ENOX1: variants seen among roughly 807,000 people sequenced by gnomAD.
ENOX1 encodes the protein ecto-NOX disulfide-thiol exchanger 1, also known as candidate growth-related and time keeping constitutive hydroquinone (NADH) oxidase.
Under a neutral mutation model 82.5 loss-of-function variants are expected in ENOX1, and 42 were observed. The ratio of observed to expected loss-of-function variants is 0.51; its 90% confidence interval spans 0.40 to 0.66. The LOEUF (loss-of-function observed/expected upper bound fraction) is 0.66, where lower values mean the gene tolerates loss of function less well. Ranked by LOEUF, ENOX1 falls within the 30% of genes least tolerant of loss-of-function variation. ENOX1 has a pLI of 0.00. For missense variants in ENOX1, 608 were observed against 811.6 expected (o/e 0.75, Z 3.05); for synonymous variants, 271 against 282.2 (o/e 0.96, Z 0.40).
At position 43,260,120 on chromosome 13, in the gene ENOX1, T is replaced by A. The variant is rs552074709; in HGVS notation, c.1611+5278A>T. 2.0e-5 allele frequency among the ~76,000 whole-genome samples: 3 copies of A among 152,266 alleles called. No homozygotes were observed. In the South Asian group the frequency reaches 6.2e-4, roughly 32 times the overall value. On this transcript the variant is annotated intron_variant, in intron 14 of 16. Transcript: ENST00000690772. ...TCACATACATCATTAAAATACATGG[T>A]TAATGATAGCCTTCTGCTGTGCTGT...
intron 8 of ENOX1, among the ~76,000 whole-genome samples, chr13:43,351,243 A>G (rs955458179): frequency 1.3e-5 from 2 of 152,158 alleles, no homozygotes; most frequent in African/African-American, 4.8e-5. Context: ...GACAGCATAA[A>G]AGGCTAAACA....
At chr13:43,585,703 A>G in intron 2 of ENOX1, among the ~76,000 whole-genome samples, 1 of 152,042 alleles carries the variant, frequency 6.6e-6, no homozygotes, top group African/African-American at 2.4e-5. Flanking sequence ...TCAGCCTCCC[A>G]AGTAGCTGGG....
chr13:43,323,244 T>C (rs760947301), intron 10 of ENOX1, among the ~76,000 whole-genome samples: 5 of 152,230 alleles, frequency 3.3e-5, no homozygotes, highest in Admixed American at 6.5e-5. Flanking sequence ...TCTTTCGTAT[T>C]GCACACGGTC....
At position 43,786,830 on chromosome 13, in the gene ENOX1, C is replaced by CCGCCGCCTT. The variant is rs960788587; in HGVS notation, c.-464_-463insAAGGCGGCG. ...GTCGCCGTTCCCTCTGCTGCCGCCG[C>CCGCCGCCTT]CGCTGCAGCAGACAGAGGACGCCCC... On this transcript the variant is annotated 5_prime_UTR_variant, in exon 1 of 17. Coordinates refer to ENST00000690772, the MANE Select transcript of ENOX1 (RefSeq NM_001347969.2). The surrounding 1 kb of genome is among the most constrained non-coding windows in gnomAD (Gnocchi z 6.0). 2 of 153,386 alleles carry CCGCCGCCTT rather than the reference C, an allele frequency of 1.3e-5. No individual in the cohort carries two copies. Among genetic ancestry groups the CCGCCGCCTT allele is most frequent in the African/African-American group, 4.8e-5 (2 of 41,260 alleles). The allele number at this position is 153,386 out of a possible 1,614,324, so 9.5% of individuals were successfully genotyped here. A position where few individuals can be genotyped will look rare whatever the true frequency, so the allele number is the denominator to read the frequency against.
At chr13:43,510,377 C>T (rs1312311389) in intron 2 of ENOX1, among the ~76,000 whole-genome samples, 1 of 152,058 alleles carries the variant, frequency 6.6e-6, no homozygotes, top group African/African-American at 2.4e-5. Flanking sequence ...ATATCATCCA[C>T]TACTGTATTC....
chr13:43,273,002 C>T lies in ENOX1; in HGVS notation c.1447-3425G>A, dbSNP rs975430803. On this transcript the variant is annotated intron_variant, in intron 12 of 16. Transcript: ENST00000690772. The stretch of plus-strand genomic sequence containing the variant: ...CACTACACGCTCTCTCCAGGGGATC[C>T]TATTCACGCCCATGGCTTTAACTAC... Among the ~76,000 whole-genome samples, 3 of 152,198 alleles carry T rather than the reference C, an allele frequency of 2.0e-5. No homozygotes were observed. The East Asian group carries it at 5.8e-4, about 29-fold the overall frequency.
At chr13:43,431,545 A>C (rs9533484) in intron 3 of ENOX1, among the ~76,000 whole-genome samples, 157 of 152,104 alleles carry the variant, frequency 1.0e-3, no homozygotes, top group African/African-American at 3.6e-3. Flanking sequence ...TTAGTCATCC[A>C]TGAGGGCACA....
intron 2 of ENOX1, among the ~76,000 whole-genome samples, chr13:43,628,194 T>G (rs1374846156): frequency 6.6e-6 from 1 of 152,206 alleles, no homozygotes; most frequent in African/African-American, 2.4e-5. Flanking sequence ...TTTCCAGCAC[T>G]GCTCTCTTTC....
At chr13:43,535,243 T>C (rs1273363939) in intron 2 of ENOX1, among the ~76,000 whole-genome samples, 1 of 152,220 alleles carries the variant, frequency 6.6e-6, no homozygotes, top group East Asian at 1.9e-4. Flanking sequence ...CCTGACACTA[T>C]GTTTAGAAAT....
chr13:43,619,100 C>A (rs1405672215), intron 2 of ENOX1, among the ~76,000 whole-genome samples: 1 of 150,700 alleles, frequency 6.6e-6, no homozygotes, highest in Non-Finnish European at 1.5e-5. Flanking sequence ...TATCTGGAAA[C>A]TTCGCTGGAT....
chr13:43,457,410 T>C (rs1244413174), intron 3 of ENOX1, among the ~76,000 whole-genome samples: 1 of 152,146 alleles, frequency 6.6e-6, no homozygotes, highest in African/African-American at 2.4e-5. Context: ...AGCATTTTGT[T>C]ATCTTGGCTC....
chr13:43,660,183 A>T (rs2153784795), intron 2 of ENOX1, among the ~76,000 whole-genome samples: 1 of 152,304 alleles, frequency 6.6e-6, no homozygotes, highest in African/African-American at 2.4e-5. Flanking sequence ...CTAGATTAAA[A>T]TTTCACTTTC....
At chr13:43,602,190 A>G (rs1163376519) in intron 2 of ENOX1, among the ~76,000 whole-genome samples, 4 of 152,130 alleles carry the variant, frequency 2.6e-5, no homozygotes, top group African/African-American at 4.8e-5. Context: ...ATGATTACAT[A>G]AAACATAACA....
intron 3 of ENOX1, among the ~76,000 whole-genome samples, chr13:43,442,041 G>A (rs1042682940): frequency 1.3e-5 from 2 of 151,996 alleles, no homozygotes; most frequent in East Asian, 1.9e-4. Context: ...AAATTAAAAC[G>A]CCTACACGTA....
rs111425501 is a variant in ENOX1 at position 43,410,849 on chromosome 13, G to C, written c.208+1067C>G. 5.4e-3 allele frequency among the ~76,000 whole-genome samples: 825 copies of C among 152,272 alleles called. 4 individuals are homozygous for C. Among genetic ancestry groups the C allele is most frequent in the African/African-American group, 0.019 (779 of 41,534 alleles). On this transcript the variant is annotated intron_variant, in intron 5 of 16. Transcript: ENST00000690772. ...TCACCTACTTTGATGGCCAAAAAGT[G>C]AATTTTTCTTCTGCCACTGTAACAA...
At chr13:43,754,353 ATT>A (rs202164871) in intron 1 of ENOX1, among the ~76,000 whole-genome samples, 2 of 138,888 alleles carry the variant, frequency 1.4e-5, no homozygotes, top group Admixed American at 7.3e-5. Flanking sequence ...ATTATTATTT[ATT>A]TTTTTTTTTT....
chr13:43,620,519 A>G (rs923098066), intron 2 of ENOX1, among the ~76,000 whole-genome samples: 4 of 152,060 alleles, frequency 2.6e-5, no homozygotes, highest in African/African-American at 9.7e-5. Flanking sequence ...CTCATTCAGG[A>G]GCTGGTTATT....
intron 1 of ENOX1, among the ~76,000 whole-genome samples, chr13:43,719,994 T>C (rs2088454630): frequency 6.6e-6 from 1 of 152,200 alleles, no homozygotes; most frequent in Non-Finnish European, 1.5e-5. Context: ...CAAGCAGATA[T>C]ATTTTTAAAA....
intron 3 of ENOX1, among the ~76,000 whole-genome samples, chr13:43,425,134 G>A (rs997141804): frequency 3.3e-5 from 5 of 152,168 alleles, no homozygotes; most frequent in African/African-American, 7.2e-5. Flanking sequence ...TGATTCAGAA[G>A]CTGAATCCTG....
Sources: gnomAD v4.1 joint callset for allele counts (sites outside exome capture counted in the v4.1 genomes callset) on GRCh38, gnomAD v4.1.1 for gene constraint, Gnocchi (gnomAD v3.1) non-coding constraint, MANE v1.5 for transcripts, NCBI Gene and HGNC (gene_info 2026-07-23, HGNC 2026-07-21) for gene names.